The following FHDC1 variants were observed in gnomAD, a reference collection of about 807,000 sequenced individuals.
The protein encoded by FHDC1 is FH2 domain containing 1.
In FHDC1, 25 loss-of-function variants were observed where a neutral mutation model predicts 52.6. That is an observed-to-expected ratio of 0.48 (90% confidence interval 0.35 to 0.66). The LOEUF is 0.66. Ranked by LOEUF, FHDC1 falls within the 30% of genes least tolerant of loss-of-function variation. The pLI is 0.01. For synonymous variants in FHDC1, 616 were observed against 581.5 expected (o/e 1.06, Z -0.85); for missense variants, 1,459 against 1,452.8 (o/e 1.00, Z -0.07).
intron 10 of FHDC1, among the ~76,000 whole-genome samples, chr4:152,970,310 C>G (rs577192806): frequency 6.6e-6 from 1 of 152,342 alleles, no homozygotes; most frequent in East Asian, 1.9e-4. Context: ...CAGCTGCTAA[C>G]CTGTTGACAT....
the FHDC1 span, among the ~76,000 whole-genome samples, chr4:152,925,819 AAAG>A: frequency 1.2e-4 from 18 of 151,714 alleles, no homozygotes; most frequent in Admixed American, 7.2e-4. Context: ...TTTTAGTGAA[AAAG>A]AAGAAGAGGG....
chr4:152,948,640 G>A (rs1561204569), intron 2 of FHDC1, among the ~76,000 whole-genome samples: 2 of 152,038 alleles, frequency 1.3e-5, no homozygotes, highest in South Asian at 4.1e-4. Flanking sequence ...TTTTTTAGTA[G>A]AGATGGGGTT....
chr4:152,962,004 G>A (rs1365965023), intron 6 of FHDC1, among the ~76,000 whole-genome samples: 1 of 152,110 alleles, frequency 6.6e-6, no homozygotes, highest in Non-Finnish European at 1.5e-5. Context: ...TGATCCAACT[G>A]TAATTTTTTG....
chr4:152,925,478 C>G, the FHDC1 span, among the ~76,000 whole-genome samples: 2 of 152,044 alleles, frequency 1.3e-5, no homozygotes, highest in Non-Finnish European at 2.9e-5. Context: ...AAATTTACAT[C>G]TCAAGGTACA....
intron 2 of FHDC1, among the ~76,000 whole-genome samples, chr4:152,952,947 C>T (rs1241727136): frequency 1.3e-5 from 2 of 152,110 alleles, no homozygotes; most frequent in Non-Finnish European, 1.5e-5. Flanking sequence ...GCCTGGACAA[C>T]ATGGTGAAAC....
At chr4:152,957,032 C>G (rs1175982235) in intron 4 of FHDC1, among the ~76,000 whole-genome samples, 1 of 152,212 alleles carries the variant, frequency 6.6e-6, no homozygotes, top group Non-Finnish European at 1.5e-5. Flanking sequence ...TGGCACCAGT[C>G]AGACCCAGGG....
In FHDC1 at chr4:152,967,572, T is replaced by C. The variant is rs370249710; in HGVS notation, c.1101-408T>C. On this transcript the variant is annotated intron_variant, in intron 9 of 11. Transcript: ENST00000511601. The stretch of plus-strand genomic sequence containing the variant: ...ACCCTTAGTGTTAGAATTATCAACA[T>C]ATATTGCCTTGCTTCTTGTGGGTTA... 9.2e-5 allele frequency among the ~76,000 whole-genome samples: 14 copies of C among 152,384 alleles called. 1 individual carries two copies. The highest frequency in any genetic ancestry group is 3.1e-4 in the African/African-American group (13 of 41,594).
intron 10 of FHDC1, 82 bp downstream of exon 10, chr4:152,968,179 T>A (rs1391218708): frequency 1.1e-6 from 1 of 932,572 alleles, no homozygotes; most frequent in East Asian, 2.5e-5. Context: ...ATGGGTGTAT[T>A]TGTGGAAGCA....
In FHDC1 at chr4:152,974,822, G is replaced by A; in HGVS notation, c.1531G>A (p.Gly511Ser). The part of the protein sequence containing the change: ...ENDVELLTKK[G>S]AEGLLPFLHP... Reference sequence around the variant, plus strand: ...TGATGTGGAGCTGCTGACCAAGAAGGGTGCAGAGGGCCTGCTCCCTTTCCT... The same window carrying A: ...TGATGTGGAGCTGCTGACCAAGAAGAGTGCAGAGGGCCTGCTCCCTTTCCT... The change falls in exon 12 of 12, where the codon GGT (glycine) becomes AGT (serine). Residue 511 changes from glycine (G) to serine (S), a missense_variant. Gly to Ser is a moderately conservative substitution (Grantham distance 56, BLOSUM62 0). Coordinates refer to ENST00000511601, the MANE Select transcript of FHDC1 (RefSeq NM_001371116.1). 1 of 1,581,312 alleles carries A rather than the reference G, an allele frequency of 6.3e-7. No homozygotes were observed. The highest frequency in any genetic ancestry group is 8.6e-7 in the Non-Finnish European group (1 of 1,159,394).
the FHDC1 span, among the ~76,000 whole-genome samples, chr4:152,923,480 A>C: frequency 6.6e-6 from 1 of 152,194 alleles, no homozygotes; most frequent in East Asian, 1.9e-4. Flanking sequence ...GCTACCAATG[A>C]CTTTCTTCAC....
At chr4:152,953,456 AT>A in intron 2 of FHDC1, 42 bp from the exon 3 acceptor site, 1 of 1,492,162 alleles carries the variant, frequency 6.7e-7, no homozygotes, top group Non-Finnish European at 9.2e-7. Context: ...ATCTCTTTTT[AT>A]TTGAATTTAG....
chr4:152,926,996 G>T, the FHDC1 span, among the ~76,000 whole-genome samples: 1 of 152,194 alleles, frequency 6.6e-6, no homozygotes, highest in African/African-American at 2.4e-5. Context: ...CTAAGAATGG[G>T]TCTCAGGCTG....
In FHDC1 at chr4:152,972,616, C is replaced by T. The variant is rs969092191; in HGVS notation, c.1383+75C>T. The T allele has an allele frequency of 2.3e-5, 34 of 1,500,790 alleles. 1 individual carries two copies. The South Asian group carries it at 4.3e-4, about 19-fold the overall frequency. The allele number at this position is 1,500,790 out of a possible 1,614,324, so 93.0% of individuals were successfully genotyped here. A position where few individuals can be genotyped will look rare whatever the true frequency, so the allele number is the denominator to read the frequency against. On this transcript the variant is annotated intron_variant, in intron 11 of 11. Transcript: ENST00000511601. ...CTTCTTCTCGACCTAGTCATCTGCT[C>T]ACCACAGAAAGGCACTTTGCATCTC... is the stretch of plus-strand genomic sequence containing the variant.
intron 4 of FHDC1, among the ~76,000 whole-genome samples, chr4:152,954,964 T>C (rs1740039207): frequency 6.6e-6 from 1 of 152,174 alleles, no homozygotes; most frequent in Admixed American, 6.5e-5. Context: ...AAATCCTAGT[T>C]AATGCATCTA....
At chr4:152,918,877 A>G in the FHDC1 span, among the ~76,000 whole-genome samples, 4 of 152,252 alleles carry the variant, frequency 2.6e-5, no homozygotes, top group African/African-American at 9.6e-5. Context: ...TTAAATGGTC[A>G]TGAGTATTTG....
chr4:152,940,784 T>A (rs879660809), intron 1 of FHDC1, among the ~76,000 whole-genome samples: 2 of 152,206 alleles, frequency 1.3e-5, no homozygotes, highest in Admixed American at 6.5e-5. Flanking sequence ...AGAAGTATTT[T>A]AAAATATGTA....
intron 2 of FHDC1, among the ~76,000 whole-genome samples, chr4:152,948,925 CA>C (rs962753398): frequency 6.6e-5 from 10 of 151,858 alleles, no homozygotes; most frequent in Non-Finnish European, 1.3e-4. Context: ...CCCATCTCTA[CA>C]AAAAACTTAA....
chr4:152,916,576 TAA>T, the FHDC1 span, among the ~76,000 whole-genome samples: 3 of 137,874 alleles, frequency 2.2e-5, no homozygotes, highest in African/African-American at 5.2e-5. Flanking sequence ...ATAATAACAT[TAA>T]AAAAAAAAAA....
At chr4:152,965,422 A>G (rs187017323) in intron 9 of FHDC1, among the ~76,000 whole-genome samples, 1 of 152,276 alleles carries the variant, frequency 6.6e-6, no homozygotes, top group African/African-American at 2.4e-5. Flanking sequence ...CTGTGAAATG[A>G]TTTTACTTTA....
Sources: allele counts gnomAD v4.1 joint callset (sites outside exome capture counted in the v4.1 genomes callset), GRCh38; gene constraint gnomAD v4.1.1; transcripts MANE v1.5; gene names NCBI Gene and HGNC (gene_info 2026-07-23, HGNC 2026-07-21).